Variants in SETBP1 observed in about 807,000 individuals in gnomAD.
SETBP1 encodes SET binding protein 1.
Under a neutral mutation model 101.0 loss-of-function variants are expected in SETBP1, and 9 were observed. The observed-to-expected ratio is 0.09, with a 90% CI of 0.05 to 0.16. The LOEUF (loss-of-function observed/expected upper bound fraction) is 0.16, where lower values mean the gene tolerates loss of function less well. Among genes scored for constraint, SETBP1 ranks in the 10% least tolerant of loss-of-function variants. The probability of loss-of-function intolerance (pLI) is 1.00; values close to 1 mark genes in which losing one functional copy is unlikely to be tolerated. For synonymous variants in SETBP1, 818 were observed against 788.5 expected (o/e 1.04, Z -0.63); for missense variants, 1,858 against 2,033.8 (o/e 0.91, Z 1.66).
chr18:44,835,349 G>C (rs1226917352), intron 2 of SETBP1, among the ~76,000 whole-genome samples: 2 of 152,080 alleles, frequency 1.3e-5, no homozygotes, highest in Non-Finnish European at 2.9e-5. Flanking sequence ...AGGCAGCGTC[G>C]TGTTTGACAG....
chr18:44,843,777 G>A (rs189529825), intron 2 of SETBP1, among the ~76,000 whole-genome samples: 373 of 152,288 alleles, frequency 2.4e-3, no homozygotes, highest in African/African-American at 8.5e-3. Context: ...AGTTTCTCAC[G>A]TGAGGCTAGG....
At chr18:44,784,303 G>A (rs1217519181) in intron 2 of SETBP1, among the ~76,000 whole-genome samples, 1 of 152,106 alleles carries the variant, frequency 6.6e-6, no homozygotes, top group Non-Finnish European at 1.5e-5. Context: ...ACATTCTTTA[G>A]CAAGGTTGGA....
At chr18:44,686,340 T>C (rs1226788733) in intron 1 of SETBP1, among the ~76,000 whole-genome samples, 3 of 152,242 alleles carry the variant, frequency 2.0e-5, no homozygotes, top group African/African-American at 7.2e-5. Context: ...GACTGGTTTC[T>C]TCACTGACTC....
At chr18:44,800,515 A>G (rs2071583456) in intron 2 of SETBP1, among the ~76,000 whole-genome samples, 1 of 152,206 alleles carries the variant, frequency 6.6e-6, no homozygotes, top group African/African-American at 2.4e-5. Flanking sequence ...AACTTTGAAG[A>G]AAACCTGTGG....
intron 2 of SETBP1, among the ~76,000 whole-genome samples, chr18:44,820,508 G>A (rs886149466): frequency 1.3e-5 from 2 of 152,110 alleles, no homozygotes; most frequent in African/African-American, 4.8e-5. Context: ...GTGGGTGGGG[G>A]ATGGGGACCA....
intron 4 of SETBP1, among the ~76,000 whole-genome samples, chr18:45,004,968 A>G (rs1287223409): frequency 4.6e-5 from 7 of 152,206 alleles, no homozygotes; most frequent in Non-Finnish European, 8.8e-5. Flanking sequence ...CTGGTGTGGG[A>G]CAAAGGAATT....
chr18:44,880,754 G>C (rs1013478701), intron 3 of SETBP1, among the ~76,000 whole-genome samples: 2 of 152,066 alleles, frequency 1.3e-5, no homozygotes, highest in Non-Finnish European at 2.9e-5. Context: ...GATCACTTGC[G>C]AACTCAGAGC....
chr18:44,997,214 G>A (rs907584627), intron 4 of SETBP1, among the ~76,000 whole-genome samples: 31 of 152,198 alleles, frequency 2.0e-4, no homozygotes, highest in Non-Finnish European at 4.0e-4. Flanking sequence ...CTTCAAAATA[G>A]GCCTCCCTAG....
chr18:44,713,016 T>C (rs569112558), intron 2 of SETBP1, among the ~76,000 whole-genome samples: 1 of 140,624 alleles, frequency 7.1e-6, no homozygotes, highest in East Asian at 2.2e-4. Context: ...TGAAGGGCAG[T>C]GGTGTGATCT....
At chr18:44,689,205 A>G (rs2068888057) in intron 1 of SETBP1, among the ~76,000 whole-genome samples, 1 of 152,252 alleles carries the variant, frequency 6.6e-6, no homozygotes, top group South Asian at 2.1e-4. Flanking sequence ...TAGGGGCAGC[A>G]GTGGGACAGA....
intron 2 of SETBP1, among the ~76,000 whole-genome samples, chr18:44,718,040 A>G (rs1189183179): frequency 6.6e-6 from 1 of 152,252 alleles, no homozygotes; most frequent in Non-Finnish European, 1.5e-5. Flanking sequence ...TCCTGAAACT[A>G]ATAAGAGTTT....
At chr18:44,798,265 A>G (rs760591221) in intron 2 of SETBP1, among the ~76,000 whole-genome samples, 2 of 152,196 alleles carry the variant, frequency 1.3e-5, no homozygotes, top group Non-Finnish European at 2.9e-5. Flanking sequence ...AACAAAAAAA[A>G]TGGTGTTCAA....
At chr18:44,934,334 A>G (rs1236304716) in intron 3 of SETBP1, among the ~76,000 whole-genome samples, 2 of 152,132 alleles carry the variant, frequency 1.3e-5, no homozygotes, top group African/African-American at 4.8e-5. Context: ...TTTTTAATAG[A>G]GACGGGGTTT....
intron 4 of SETBP1, among the ~76,000 whole-genome samples, chr18:44,978,493 A>G (rs2072040416): frequency 6.6e-6 from 1 of 152,180 alleles, no homozygotes; most frequent in Non-Finnish European, 1.5e-5. Flanking sequence ...ACTACCTGGT[A>G]TTAACTTATA....
intron 5 of SETBP1, among the ~76,000 whole-genome samples, chr18:45,043,363 TCTCACACA>T (rs1555649571): frequency 1.3e-4 from 20 of 149,470 alleles, no homozygotes; most frequent in Admixed American, 1.3e-4. Flanking sequence ...TCTCTCTCTC[TCTCACACA>T]CTCACACACT....
chr18:45,025,290 C>G (rs2073142784), intron 4 of SETBP1, among the ~76,000 whole-genome samples: 1 of 152,170 alleles, frequency 6.6e-6, no homozygotes, highest in Non-Finnish European at 1.5e-5. Context: ...ATGAGTAAAT[C>G]AACTGTATCA....
chr18:44,818,829 C>T (rs1189739539), intron 2 of SETBP1, among the ~76,000 whole-genome samples: 1 of 151,720 alleles, frequency 6.6e-6, no homozygotes, highest in Non-Finnish European at 1.5e-5. Flanking sequence ...CAGTGCCCTT[C>T]CACCATCTCC....
intron 5 of SETBP1, among the ~76,000 whole-genome samples, chr18:45,042,600 A>G (rs1024169652): frequency 5.9e-5 from 9 of 152,252 alleles, no homozygotes; most frequent in African/African-American, 2.2e-4. Flanking sequence ...ACGATACAAT[A>G]TGGGAGAAAT....
intron 5 of SETBP1, among the ~76,000 whole-genome samples, chr18:45,043,124 T>A (rs1055540398): frequency 1.3e-5 from 2 of 152,206 alleles, no homozygotes; most frequent in Non-Finnish European, 2.9e-5. Flanking sequence ...TTTTCTGATT[T>A]TCTAGATGTT....
Sources: gnomAD v4.1 joint callset for allele counts (sites outside exome capture counted in the v4.1 genomes callset) on GRCh38, gnomAD v4.1.1 for gene constraint, MANE v1.5 for transcripts, NCBI Gene and HGNC (gene_info 2026-07-23, HGNC 2026-07-21) for gene names.